IGF2BP3: variants seen among roughly 807,000 people sequenced by gnomAD.
The protein encoded by IGF2BP3 is insulin-like growth factor 2 mRNA-binding protein 3.
IGF2BP3 carries 9 observed loss-of-function variants against 73.8 expected under a neutral mutation model. The observed-to-expected ratio is 0.12, with a 90% CI of 0.07 to 0.21. The LOEUF (loss-of-function observed/expected upper bound fraction) is 0.21, where lower values mean the gene tolerates loss of function less well. Among genes scored for constraint, IGF2BP3 ranks in the 10% least tolerant of loss-of-function variants. The pLI, the probability that IGF2BP3 is intolerant of heterozygous loss-of-function variation, is 1.00. For synonymous variants in IGF2BP3, 258 were observed against 256.7 expected (o/e 1.01, Z -0.05); for missense variants, 542 against 714.0 (o/e 0.76, Z 2.75).
chr7:23,321,684 T>C (rs749658655), intron 10 of IGF2BP3, among the ~76,000 whole-genome samples: 1 of 152,206 alleles, frequency 6.6e-6, no homozygotes, highest in South Asian at 2.1e-4. Flanking sequence ...TGTGACAGCT[T>C]TGAAGAGAGC....
intron 3 of IGF2BP3, among the ~76,000 whole-genome samples, chr7:23,366,606 G>T (rs380263): frequency 2.7e-5 from 4 of 146,906 alleles, no homozygotes; most frequent in South Asian, 4.4e-4. Flanking sequence ...ATCCTTAGAA[G>T]AAATAGGTGC....
intron 2 of IGF2BP3, among the ~76,000 whole-genome samples, chr7:23,448,954 G>A (rs1788129962): frequency 6.6e-6 from 1 of 152,064 alleles, no homozygotes; most frequent in South Asian, 2.1e-4. Context: ...TTGAACTCCT[G>A]GGCTCAAGCA....
chr7:23,351,123 T>C (rs1174938514), intron 6 of IGF2BP3, among the ~76,000 whole-genome samples, 182 bp downstream of exon 6: 1 of 152,172 alleles, frequency 6.6e-6, no homozygotes, highest in African/African-American at 2.4e-5. Context: ...GAATGAGGAT[T>C]AGCTCCAGAT....
chr7:23,347,790 T>C, intron 6 of IGF2BP3, 56 bp from the exon 7 acceptor site: 1 of 1,607,130 alleles, frequency 6.2e-7, no homozygotes, highest in Non-Finnish European at 8.5e-7. Context: ...GTATTCACAG[T>C]GGAGTCTGTA....
rs145216427 is a variant in IGF2BP3 at position 23,447,455 on chromosome 7, C to T, written c.236+21027G>A. ...CCTGGCCAACATGGTAAAATCCCGT[C>T]TCTACTAAAAATACAAAAAAATTAG... On this transcript the variant is annotated intron_variant, in intron 2 of 14. Coordinates refer to ENST00000258729, the MANE Select transcript of IGF2BP3 (RefSeq NM_006547.3). 4.6e-3 allele frequency among the ~76,000 whole-genome samples: 706 copies of T among 151,896 alleles called. 11 individuals carry two copies. The highest frequency in any genetic ancestry group is 0.017 in the Middle Eastern group (5 of 292).
intron 3 of IGF2BP3, among the ~76,000 whole-genome samples, chr7:23,375,062 T>C (rs573992085): frequency 2.0e-5 from 3 of 152,328 alleles, no homozygotes; most frequent in South Asian, 2.1e-4. Flanking sequence ...AAGAGCAATA[T>C]TTGTTGAGTT....
intron 2 of IGF2BP3, among the ~76,000 whole-genome samples, chr7:23,449,554 C>CTTTTTTTTTTT (rs376571131): frequency 1.2e-4 from 13 of 106,934 alleles, no homozygotes; most frequent in South Asian, 3.3e-4. Context: ...TTTTCTTTTT[C>CTTTTTTTTTTT]TTTTTTTTTT....
chr7:23,392,382 A>T (rs986179086), intron 3 of IGF2BP3, among the ~76,000 whole-genome samples: 3 of 137,890 alleles, frequency 2.2e-5, no homozygotes, highest in African/African-American at 8.6e-5. Flanking sequence ...GTGCTGTCAC[A>T]AATGGAAAAC....
chr7:23,434,453 A>G (rs1028209884), intron 2 of IGF2BP3, among the ~76,000 whole-genome samples: 2 of 152,166 alleles, frequency 1.3e-5, no homozygotes, highest in Non-Finnish European at 1.5e-5. Context: ...ACTTGTTTAT[A>G]TTTCCATTTT....
intron 2 of IGF2BP3, among the ~76,000 whole-genome samples, chr7:23,445,200 T>C (rs1216179740): frequency 6.6e-6 from 1 of 152,230 alleles, no homozygotes; most frequent in Non-Finnish European, 1.5e-5. Context: ...GTAGTTGCAT[T>C]TGAGGAAGGA....
intron 5 of IGF2BP3, among the ~76,000 whole-genome samples, chr7:23,358,108 G>A (rs1488901918): frequency 6.6e-6 from 1 of 152,218 alleles, no homozygotes; most frequent in Non-Finnish European, 1.5e-5. Flanking sequence ...GTTTTTCTCA[G>A]TAGCCTCATT....
intron 2 of IGF2BP3, among the ~76,000 whole-genome samples, chr7:23,440,246 G>C (rs1787899971): frequency 6.7e-6 from 1 of 148,658 alleles, no homozygotes; most frequent in African/African-American, 2.5e-5. Flanking sequence ...CTGGACAACA[G>C]AGCAGAAATT....
intron 10 of IGF2BP3, among the ~76,000 whole-genome samples, chr7:23,326,811 G>A (rs531843991): frequency 3.2e-4 from 46 of 141,844 alleles, no homozygotes; most frequent in African/African-American, 5.8e-4. Flanking sequence ...GTAAACTATC[G>A]CAAGAACAAA....
chr7:23,425,663 C>T (rs896551937), intron 2 of IGF2BP3, among the ~76,000 whole-genome samples: 39 of 152,256 alleles, frequency 2.6e-4, no homozygotes, highest in African/African-American at 8.7e-4. Context: ...ATATATAAGA[C>T]ATCTATGAAC....
chr7:23,391,306 G>T (rs557483556), intron 3 of IGF2BP3, among the ~76,000 whole-genome samples: 3 of 151,746 alleles, frequency 2.0e-5, no homozygotes, highest in Non-Finnish European at 4.4e-5. Context: ...AGCCACATTC[G>T]CCAGGCTGGT....
intron 12 of IGF2BP3, among the ~76,000 whole-genome samples, chr7:23,317,330 A>C (rs1346902868): frequency 6.6e-6 from 1 of 152,228 alleles, no homozygotes; most frequent in Admixed American, 6.5e-5. Flanking sequence ...TCTGAAAACA[A>C]GTTTCCAAGG....
At chr7:23,368,131 G>C (rs1785433290) in intron 3 of IGF2BP3, among the ~76,000 whole-genome samples, 1 of 152,144 alleles carries the variant, frequency 6.6e-6, no homozygotes, top group Non-Finnish European at 1.5e-5. Flanking sequence ...ACTCATAATA[G>C]TCTGAAGTAG....
intron 5 of IGF2BP3, among the ~76,000 whole-genome samples, chr7:23,355,213 C>CTTT (rs1562695343): frequency 6.9e-6 from 1 of 145,832 alleles, no homozygotes; most frequent in African/African-American, 2.7e-5. Flanking sequence ...CTGGTTTTGT[C>CTTT]TTTTTATTTT....
rs1787277208 is a variant in IGF2BP3 at position 23,419,238 on chromosome 7, G to A, written c.237-414C>T. On this transcript the variant is annotated intron_variant, in intron 2 of 14. Transcript: ENST00000258729. ...ATAAAATTCAGGGAAATAAAAATGA[G>A]GTGTGGGTGGCAGGAAATTACACAT... Among the ~76,000 whole-genome samples, 2 of 152,140 alleles carry A rather than the reference G, an allele frequency of 1.3e-5. 1 individual carries two copies. The highest frequency in any genetic ancestry group is 4.1e-4 in the South Asian group (2 of 4,824).
Sources: gnomAD v4.1 joint callset for allele counts (sites outside exome capture counted in the v4.1 genomes callset) on GRCh38, gnomAD v4.1.1 for gene constraint, MANE v1.5 for transcripts, NCBI Gene and HGNC (gene_info 2026-07-23, HGNC 2026-07-21) for gene names.